The following GSE1 variants were observed in gnomAD, a reference collection of about 807,000 sequenced individuals.
The protein encoded by GSE1 is genetic suppressor element 1.
A neutral mutation model predicts 112.6 loss-of-function variants in GSE1; 32 were observed. That is an observed-to-expected ratio of 0.28 (90% CI 0.21 to 0.38). The LOEUF (loss-of-function observed/expected upper bound fraction) is 0.38, where lower values mean the gene tolerates loss of function less well. Among genes scored for constraint, GSE1 ranks in the 10% least tolerant of loss-of-function variants. The pLI is 1.00. For missense variants in GSE1, 2,348 were observed against 1,699.2 expected, an observed-to-expected ratio of 1.38 and a Z score of -6.71; for synonymous variants, 1,115 against 735.6, an observed-to-expected ratio of 1.52 and a Z score of -8.35.
chr16:85,469,353 A>C (rs1346180119), intron 2 of GSE1, among the ~76,000 whole-genome samples: 2 of 152,012 alleles, frequency 1.3e-5, no homozygotes, highest in Admixed American at 6.6e-5. Flanking sequence ...GTGAAGATGG[A>C]GGCAGAGATG....
intron 2 of GSE1, among the ~76,000 whole-genome samples, chr16:85,357,911 T>C (rs2046984440): frequency 6.6e-6 from 1 of 152,164 alleles, no homozygotes; most frequent in Non-Finnish European, 1.5e-5. Flanking sequence ...TGTTTGTTTA[T>C]TTACCTATAC....
intron 1 of GSE1, among the ~76,000 whole-genome samples, chr16:85,252,462 G>T (rs546597410): frequency 1.3e-5 from 2 of 152,356 alleles, no homozygotes; most frequent in Admixed American, 1.3e-4. Flanking sequence ...ACAACCCCCG[G>T]TCCCCATCTC....
chr16:85,561,175 C>T (rs1014442393), intron 1 of GSE1, among the ~76,000 whole-genome samples: 3 of 152,138 alleles, frequency 2.0e-5, no homozygotes, highest in South Asian at 2.1e-4. Flanking sequence ...GTGGCTGCTT[C>T]GTCTACTATT....
At chr16:85,384,217 G>A (rs2047633186) in intron 2 of GSE1, among the ~76,000 whole-genome samples, 1 of 152,202 alleles carries the variant, frequency 6.6e-6, no homozygotes. Context: ...GCTTCCTGAT[G>A]GGGGCCCCGA....
chr16:85,523,278 C>A (rs1183610091), intron 2 of GSE1, among the ~76,000 whole-genome samples: 1 of 147,514 alleles, frequency 6.8e-6, no homozygotes, highest in Non-Finnish European at 1.5e-5. Context: ...GTGTGTGAGA[C>A]CTCTGTGTGT....
At chr16:85,643,103 G>A (rs780960097) in intron 2 of GSE1, among the ~76,000 whole-genome samples, 8 of 152,160 alleles carry the variant, frequency 5.3e-5, no homozygotes, top group East Asian at 1.9e-4. Context: ...ACACTCCCTC[G>A]CTGACTTTGG....
chr16:85,345,211 A>G (rs1199863722), intron 1 of GSE1, among the ~76,000 whole-genome samples: 1 of 152,258 alleles, frequency 6.6e-6, no homozygotes, highest in Middle Eastern at 3.2e-3. Flanking sequence ...TGGTTGCCAA[A>G]AACAAAACCC....
At chr16:85,374,919 C>A (rs954261341) in intron 2 of GSE1, among the ~76,000 whole-genome samples, 5 of 152,204 alleles carry the variant, frequency 3.3e-5, no homozygotes, top group Non-Finnish European at 7.3e-5. Flanking sequence ...TTGTGCCTTC[C>A]CTTTGGGGCC....
exon 1 of GSE1, chr16:85,170,367 C>A: frequency 1.0e-6 from 1 of 985,422 alleles, no homozygotes; most frequent in Non-Finnish European, 1.2e-6. Context: ...CCTGGCAAGG[C>A]CCTCTTGTCC....
intron 2 of GSE1, among the ~76,000 whole-genome samples, chr16:85,483,026 G>C (rs9939055): frequency 6.6e-6 from 1 of 151,500 alleles, no homozygotes; most frequent in Non-Finnish European, 1.5e-5. Flanking sequence ...GCAGTGCGAC[G>C]CTACATCTGG....
chr16:85,648,425 G>A, intron 2 of GSE1, 127 bp from the exon 3 acceptor site: 1 of 600,180 alleles, frequency 1.7e-6, no homozygotes, highest in South Asian at 2.1e-5. Context: ...GGCCCATGAG[G>A]CTGGTAGACC....
intron 2 of GSE1, among the ~76,000 whole-genome samples, chr16:85,438,386 C>T (rs766079075): frequency 6.5e-4 from 99 of 152,292 alleles, no homozygotes; most frequent in Non-Finnish European, 8.4e-4. Context: ...GAGGGGCGCA[C>T]CCCGCTCTGT....
rs373882717 is a variant in GSE1 at position 85,182,277 on chromosome 16, G to A, written c.2283+10470G>A. 8.5e-5 allele frequency among the ~76,000 whole-genome samples: 13 copies of A among 152,330 alleles called. No individual in the cohort carries two copies. The South Asian group carries it at 2.3e-3, about 27-fold the overall frequency. On this transcript the variant is annotated intron_variant, in intron 1 of 2. Coordinates refer to the GSE1 transcript ENST00000637419. The stretch of plus-strand genomic sequence containing the variant: ...TACAGAAGGCCAGAATGTACCTGGT[G>A]GACCCCAGGGCGTGCAGAATGGCCT...
At chr16:85,210,926 G>T (rs2075213728) in intron 1 of GSE1, among the ~76,000 whole-genome samples, 2 of 152,194 alleles carry the variant, frequency 1.3e-5, no homozygotes, top group Admixed American at 1.3e-4. Flanking sequence ...AGGTTGCTTT[G>T]CCTCTCTGGG....
chr16:85,567,003 C>T (rs2045778815), intron 1 of GSE1, among the ~76,000 whole-genome samples: 1 of 152,062 alleles, frequency 6.6e-6, no homozygotes, highest in African/African-American at 2.4e-5. Context: ...TATCTTAGAT[C>T]TTAAGGGCCC....
At chr16:85,343,713 G>A (rs527265362) in intron 1 of GSE1, among the ~76,000 whole-genome samples, 35 of 152,296 alleles carry the variant, frequency 2.3e-4, no homozygotes, top group African/African-American at 7.9e-4. Flanking sequence ...TTGCACCACT[G>A]CACTCCAGCC....
intron 1 of GSE1, among the ~76,000 whole-genome samples, chr16:85,305,242 C>G (rs187168591): frequency 6.6e-6 from 1 of 152,206 alleles, no homozygotes; most frequent in Non-Finnish European, 1.5e-5. Flanking sequence ...TTCCAGTCCG[C>G]GAAGCTAGAA....
chr16:85,618,486 C>T (rs923453640), intron 1 of GSE1, among the ~76,000 whole-genome samples: 22 of 152,206 alleles, frequency 1.4e-4, no homozygotes, highest in African/African-American at 4.8e-4. Flanking sequence ...CTGCCTCTTG[C>T]TTAGCCTGTG....
intron 2 of GSE1, among the ~76,000 whole-genome samples, chr16:85,361,582 C>T (rs533364605): frequency 6.6e-6 from 1 of 152,386 alleles, no homozygotes; most frequent in South Asian, 2.1e-4. Flanking sequence ...CCTTTACCAG[C>T]AGTGGGGGTG....
Sources: allele counts gnomAD v4.1 joint callset (sites outside exome capture counted in the v4.1 genomes callset), GRCh38; gene constraint gnomAD v4.1.1; transcripts MANE v1.5; gene names NCBI Gene and HGNC (gene_info 2026-07-23, HGNC 2026-07-21).